Variants in MCU observed in about 807,000 individuals in gnomAD.
The protein encoded by MCU is calcium uniporter protein, mitochondrial.
MCU carries 12 observed loss-of-function variants against 45.2 expected under a neutral mutation model. The observed-to-expected ratio is 0.27, with a 90% confidence interval of 0.17 to 0.43. The LOEUF (loss-of-function observed/expected upper bound fraction) is 0.43, where lower values mean the gene tolerates loss of function less well. Among genes scored for constraint, MCU ranks in the 20% least tolerant of loss-of-function variants. The pLI is 1.00. For missense variants in MCU, 324 were observed against 436.7 expected, an observed-to-expected ratio of 0.74 and a Z score of 2.30; for synonymous variants, 160 against 165.1, an observed-to-expected ratio of 0.97 and a Z score of 0.24.
intron 1 of MCU, among the ~76,000 whole-genome samples, chr10:72,699,381 C>T (rs1353472829): frequency 2.0e-5 from 3 of 151,924 alleles, no homozygotes; most frequent in African/African-American, 7.3e-5. Context: ...GTGGTGCGCG[C>T]CTGTAATCCC....
intron 1 of MCU, among the ~76,000 whole-genome samples, chr10:72,697,335 T>A (rs921926128): frequency 2.6e-5 from 4 of 151,908 alleles, no homozygotes; most frequent in Admixed American, 6.6e-5. Context: ...CAAGCTGGTC[T>A]CGAACTCCTG....
At chr10:72,819,431 A>T (rs1006632632) in intron 1 of MCU, among the ~76,000 whole-genome samples, 3 of 152,114 alleles carry the variant, frequency 2.0e-5, no homozygotes, top group Non-Finnish European at 2.9e-5. Context: ...CTCATCCATA[A>T]GTTTGTTTGT....
At chr10:72,723,746 ATATATTTT>A (rs1349437816) in intron 1 of MCU, among the ~76,000 whole-genome samples, 7 of 152,158 alleles carry the variant, frequency 4.6e-5, no homozygotes, top group Non-Finnish European at 8.8e-5. Context: ...TTCAAAATAT[ATATATTTT>A]TTGGTAGCAC....
rs1418969622 is a variant in MCU at position 72,767,027 on chromosome 10, T to A, written c.151-67332T>A. The A allele has an allele frequency of 3.9e-5, 6 of 152,188 alleles. No homozygotes were observed. In the East Asian group the frequency reaches 1.2e-3, roughly 29 times the overall value. The allele number at this position is 152,188 out of a possible 1,614,324, so 9.4% of individuals were successfully genotyped here. A position where few individuals can be genotyped will look rare whatever the true frequency, so the allele number is the denominator to read the frequency against. On this transcript the variant is annotated intron_variant, in intron 1 of 7. Transcript: ENST00000373053. ...GTATGTGACTTCTACCACAATAAAA[T>A]ATAGAACATTTTTATCATTCTATAA...
At chr10:72,732,427 G>A (rs1411481181) in intron 1 of MCU, among the ~76,000 whole-genome samples, 1 of 152,186 alleles carries the variant, frequency 6.6e-6, no homozygotes, top group African/African-American at 2.4e-5. Flanking sequence ...TATTTTAAAT[G>A]CTGATCAGCA....
chr10:72,832,934 A>ATGTGTGTGTGTGTGTGTGTG (rs6143982), intron 1 of MCU, among the ~76,000 whole-genome samples: 6,969 of 143,800 alleles, frequency 0.048, 225 homozygotes, highest in Admixed American at 0.081. Flanking sequence ...ACCAATAGCT[A>ATGTGTGTGTGTGTGTGTGTG]TGTGTGTGTG....
intron 1 of MCU, among the ~76,000 whole-genome samples, chr10:72,819,727 C>CTTTTTTTTTTTTTTTT (rs71021538): frequency 9.7e-6 from 1 of 102,602 alleles, no homozygotes; most frequent in Non-Finnish European, 1.9e-5. Context: ...TTTTTCCAGT[C>CTTTTTTTTTTTTTTTT]TTTTTTTTTT....
At chr10:72,868,090 T>C (rs2132880761) in intron 4 of MCU, among the ~76,000 whole-genome samples, 1 of 152,298 alleles carries the variant, frequency 6.6e-6, no homozygotes, top group South Asian at 2.1e-4. Context: ...TGTCTTTATC[T>C]AATGAAGATC....
intron 1 of MCU, among the ~76,000 whole-genome samples, chr10:72,742,800 C>A (rs1192005608): frequency 6.6e-6 from 1 of 152,000 alleles, no homozygotes; most frequent in Non-Finnish European, 1.5e-5. Context: ...ACCAGGGAAC[C>A]CAAGTTAGGA....
chr10:72,718,653 T>C (rs928563229), intron 1 of MCU, among the ~76,000 whole-genome samples: 2 of 152,202 alleles, frequency 1.3e-5, no homozygotes, highest in Non-Finnish European at 2.9e-5. Context: ...CAAAACAGAA[T>C]TATGTGTCTA....
intron 1 of MCU, among the ~76,000 whole-genome samples, chr10:72,744,826 A>T (rs973137836): frequency 2.0e-5 from 3 of 152,202 alleles, no homozygotes; most frequent in African/African-American, 7.2e-5. Flanking sequence ...GAGATCATTA[A>T]ACGAATGGTT....
chr10:72,852,587 C>A (rs906098048), intron 2 of MCU, among the ~76,000 whole-genome samples: 5 of 152,142 alleles, frequency 3.3e-5, no homozygotes, highest in African/African-American at 9.7e-5. Flanking sequence ...ATGAGTTGAA[C>A]CCTGCATTGG....
chr10:72,696,468 A>G (rs1426191164), intron 1 of MCU, among the ~76,000 whole-genome samples: 1 of 152,096 alleles, frequency 6.6e-6, no homozygotes, highest in East Asian at 1.9e-4. Flanking sequence ...ATGTGTAGAG[A>G]AAAAAACATT....
At chr10:72,847,617 T>C (rs1845143010) in intron 2 of MCU, among the ~76,000 whole-genome samples, 1 of 152,230 alleles carries the variant, frequency 6.6e-6, no homozygotes, top group South Asian at 2.1e-4. Context: ...CTATAAAATA[T>C]AAATATATGC....
intron 1 of MCU, among the ~76,000 whole-genome samples, chr10:72,796,434 TAAC>T (rs1366045682): frequency 1.3e-5 from 2 of 152,044 alleles, no homozygotes; most frequent in Non-Finnish European, 1.5e-5. Context: ...AAAACCACAA[TAAC>T]AACAACAACA....
At chr10:72,767,230 A>G (rs1234389346) in intron 1 of MCU, among the ~76,000 whole-genome samples, 4 of 152,046 alleles carry the variant, frequency 2.6e-5, no homozygotes, top group Non-Finnish European at 5.9e-5. Context: ...GAGTTTCCAA[A>G]TTAAAATAAT....
In MCU at chr10:72,887,604, T is replaced by C. The variant is rs1166838252; in HGVS notation, c.*1782T>C. ...AGTTCTTTAAACAAATAGCAAACTATTGAACATGTGTAAAATCCTGTATCA... is the reference window on the plus strand; with the variant it reads ...AGTTCTTTAAACAAATAGCAAACTACTGAACATGTGTAAAATCCTGTATCA... On this transcript the variant is annotated 3_prime_UTR_variant, in exon 8 of 8. Coordinates refer to ENST00000373053, the MANE Select transcript of MCU (RefSeq NM_138357.3). 2 of 152,736 alleles carry C rather than the reference T, an allele frequency of 1.3e-5. No homozygotes were observed. Among genetic ancestry groups the C allele is most frequent in the Non-Finnish European group, 2.9e-5 (2 of 68,034 alleles). The allele number at this position is 152,736 out of a possible 1,614,324, so 9.5% of individuals were successfully genotyped here. A position where few individuals can be genotyped will look rare whatever the true frequency, so the allele number is the denominator to read the frequency against.
chr10:72,706,930 A>G (rs1293591893), intron 1 of MCU, among the ~76,000 whole-genome samples: 2 of 150,932 alleles, frequency 1.3e-5, no homozygotes, highest in South Asian at 4.2e-4. Context: ...CCTGGGTTCA[A>G]GTGATTCTCC....
At chr10:72,838,640 CA>C (rs947137432) in intron 2 of MCU, among the ~76,000 whole-genome samples, 3 of 149,402 alleles carry the variant, frequency 2.0e-5, no homozygotes, top group South Asian at 4.2e-4. Flanking sequence ...CTCACACACA[CA>C]AAAAAAAAGA....
Sources: allele counts gnomAD v4.1 joint callset (sites outside exome capture counted in the v4.1 genomes callset), GRCh38; gene constraint gnomAD v4.1.1; transcripts MANE v1.5; gene names NCBI Gene and HGNC (gene_info 2026-07-23, HGNC 2026-07-21).